The following RASEF variants were observed in gnomAD, a reference collection of about 807,000 sequenced individuals.
The protein encoded by RASEF is RAS and EF-hand domain containing, also known as ras and EF-hand domain-containing protein.
Under a neutral mutation model 90.1 loss-of-function variants are expected in RASEF, and 68 were observed. That is an observed-to-expected ratio of 0.75 (90% CI 0.62 to 0.92). The LOEUF is 0.92. RASEF is among the 40% of genes least tolerant of loss of function. The pLI is 0.00. For synonymous variants in RASEF, 331 were observed against 345.2 expected, an observed-to-expected ratio of 0.96 and a Z score of 0.46; for missense variants, 949 against 937.2, an observed-to-expected ratio of 1.01 and a Z score of -0.16.
chr9:83,106,604 T>C, the RASEF span, among the ~76,000 whole-genome samples: 1 of 152,162 alleles, frequency 6.6e-6, no homozygotes, highest in South Asian at 2.1e-4. Flanking sequence ...TCCTTATCAC[T>C]CATGACCTGA....
chr9:83,142,167 A>G, the RASEF span, among the ~76,000 whole-genome samples: 1 of 152,206 alleles, frequency 6.6e-6, no homozygotes, highest in Non-Finnish European at 1.5e-5. Context: ...TTATTCATGC[A>G]GGAAAAGAAA....
the RASEF span, among the ~76,000 whole-genome samples, chr9:83,115,687 A>C: frequency 1.3e-5 from 2 of 152,214 alleles, no homozygotes; most frequent in Non-Finnish European, 2.9e-5. Flanking sequence ...ATCTAGCCTA[A>C]ATACATAGTC....
At chr9:83,211,211 C>G in the RASEF span, among the ~76,000 whole-genome samples, 1 of 152,126 alleles carries the variant, frequency 6.6e-6, no homozygotes, top group Non-Finnish European at 1.5e-5. Flanking sequence ...AATGATGTAT[C>G]TAATTTTTAA....
the RASEF span, among the ~76,000 whole-genome samples, chr9:83,098,497 CAGAA>C: frequency 8.5e-5 from 13 of 152,092 alleles, no homozygotes; most frequent in African/African-American, 2.7e-4. Context: ...ACTCTGTTGA[CAGAA>C]AGATTTTATT....
chr9:83,137,800 A>AC, the RASEF span, among the ~76,000 whole-genome samples: 8 of 150,528 alleles, frequency 5.3e-5, no homozygotes, highest in Non-Finnish European at 1.0e-4. Context: ...TGATTGAAAA[A>AC]AAAAAATGAA....
the RASEF span, among the ~76,000 whole-genome samples, chr9:83,073,954 A>C: frequency 1.4e-4 from 22 of 152,362 alleles, no homozygotes; most frequent in African/African-American, 4.6e-4. Flanking sequence ...GAAGCTTCAC[A>C]TACAATTATT....
At chr9:83,187,019 C>T in the RASEF span, among the ~76,000 whole-genome samples, 1 of 152,104 alleles carries the variant, frequency 6.6e-6, no homozygotes, top group African/African-American at 2.4e-5. Context: ...AGATATTCCT[C>T]TGCCTAAATC....
intron 1 of RASEF, among the ~76,000 whole-genome samples, chr9:83,031,635 T>C (rs767172053): frequency 6.6e-6 from 1 of 152,192 alleles, no homozygotes; most frequent in African/African-American, 2.4e-5. Flanking sequence ...TCAGGGGTCT[T>C]AAGTACATAC....
intron 10 of RASEF, 65 bp downstream of exon 10, chr9:83,000,831 G>T: frequency 7.5e-7 from 1 of 1,338,544 alleles, no homozygotes; most frequent in Non-Finnish European, 1.1e-6. Flanking sequence ...CAGATAGAAG[G>T]CAAATAAGGT....
intron 1 of RASEF, among the ~76,000 whole-genome samples, chr9:83,052,294 T>C (rs1163302457): frequency 1.4e-5 from 2 of 141,666 alleles, no homozygotes; most frequent in African/African-American, 5.8e-5. Flanking sequence ...TGTCGAGGAA[T>C]GTATCCATTT....
intron 2 of RASEF, among the ~76,000 whole-genome samples, chr9:83,023,673 C>A (rs974447318): frequency 6.6e-6 from 1 of 152,182 alleles, no homozygotes; most frequent in African/African-American, 2.4e-5. Flanking sequence ...CAGTTCATTT[C>A]TGCTTATAAA....
chr9:83,063,122 C>T lies in RASEF; in HGVS notation c.-255G>A, dbSNP rs1191153206. ...GGTGCGCCCGGGCTCCAGGCACCGC[C>T]AAGGAGCGCCTCCTGCGACTGAGCG... On this transcript the variant is annotated 5_prime_UTR_variant, in exon 1 of 17. Transcript: ENST00000376447. 2.2e-6 allele frequency: 1 copy of T among 451,404 alleles called. No homozygotes were observed. Among genetic ancestry groups the T allele is most frequent in the Non-Finnish European group, 3.9e-6 (1 of 258,966 alleles). The allele number at this position is 451,404 out of a possible 1,614,324, so 28.0% of individuals were successfully genotyped here. A position where few individuals can be genotyped will look rare whatever the true frequency, so the allele number is the denominator to read the frequency against.
chr9:83,046,699 G>C lies in RASEF; in HGVS notation c.431+15738C>G, dbSNP rs977537926. On this transcript the variant is annotated intron_variant, in intron 1 of 16. Transcript: ENST00000376447. ...AATTCTTCCACCTCAGCTCAGAGCA[G>C]ACTGTAATTCTGTTTGATAGAAGCA... 2.6e-5 allele frequency among the ~76,000 whole-genome samples: 4 copies of C among 152,152 alleles called. 1 individual carries two copies. Among genetic ancestry groups the C allele is most frequent in the Non-Finnish European group, 5.9e-5 (4 of 68,036 alleles).
At chr9:83,069,267 T>C in the RASEF span, among the ~76,000 whole-genome samples, 1 of 152,208 alleles carries the variant, frequency 6.6e-6, no homozygotes, top group Non-Finnish European at 1.5e-5. Flanking sequence ...TAACTTCTAC[T>C]TAATCAAGAT....
intron 1 of RASEF, among the ~76,000 whole-genome samples, chr9:83,030,182 C>G (rs1829619509): frequency 6.6e-6 from 1 of 152,064 alleles, no homozygotes; most frequent in Admixed American, 6.5e-5. Flanking sequence ...TATGGTGAAA[C>G]CCTATCTCTA....
chr9:83,119,539 C>A, the RASEF span, among the ~76,000 whole-genome samples: 2 of 152,144 alleles, frequency 1.3e-5, no homozygotes, highest in African/African-American at 2.4e-5. Flanking sequence ...GAAGACTTCC[C>A]CTCCACATCA....
intron 3 of RASEF, among the ~76,000 whole-genome samples, chr9:83,016,406 C>T (rs975462267): frequency 4.6e-5 from 7 of 151,966 alleles, no homozygotes; most frequent in African/African-American, 1.7e-4. Context: ...CCTTCAAGTT[C>T]TTCTGGAGCA....
chr9:83,044,201 A>T (rs1261306859), intron 1 of RASEF, among the ~76,000 whole-genome samples: 2 of 152,070 alleles, frequency 1.3e-5, no homozygotes, highest in Non-Finnish European at 2.9e-5. Flanking sequence ...TTCACAGAGC[A>T]TCTGCAGAAA....
the RASEF span, among the ~76,000 whole-genome samples, chr9:83,185,320 C>T: frequency 2.0e-5 from 3 of 151,384 alleles, no homozygotes; most frequent in African/African-American, 7.3e-5. Flanking sequence ...ATTAAAGGGC[C>T]CCTGTGCTTT....
Sources: gnomAD v4.1 joint callset for allele counts (sites outside exome capture counted in the v4.1 genomes callset) on GRCh38, gnomAD v4.1.1 for gene constraint, MANE v1.5 for transcripts, NCBI Gene and HGNC (gene_info 2026-07-23, HGNC 2026-07-21) for gene names.